The following NCAM1 variants were observed in gnomAD, a reference collection of about 807,000 sequenced individuals.
NCAM1 encodes antigen recognized by monoclonal antibody 5.1H11.
Under a neutral mutation model 109.8 loss-of-function variants are expected in NCAM1, and 14 were observed. The ratio of observed to expected loss-of-function variants is 0.13; its 90% CI spans 0.08 to 0.20. The LOEUF is 0.20. Among genes scored for constraint, NCAM1 ranks in the 10% least tolerant of loss-of-function variants. NCAM1 has a pLI of 1.00. For missense variants in NCAM1, 774 were observed against 1,109.9 expected (o/e 0.70, Z 4.30); for synonymous variants, 418 against 442.9 (o/e 0.94, Z 0.70).
intron 18 of NCAM1, among the ~76,000 whole-genome samples, chr11:113,271,388 A>G (rs1053717052): frequency 1.1e-3 from 169 of 151,570 alleles, no homozygotes; most frequent in Non-Finnish European, 1.9e-3. Flanking sequence ...AAAAAAAAAA[A>G]AAAAAAAAGA....
At chr11:113,267,061 T>TAAA (rs1946145764) in intron 17 of NCAM1, among the ~76,000 whole-genome samples, 2 of 152,358 alleles carry the variant, frequency 1.3e-5, no homozygotes, top group South Asian at 4.1e-4. Flanking sequence ...GGATTCGCCC[T>TAAA]GTTTATTAGT....
At chr11:113,264,214 T>C in intron 17 of NCAM1, 1 of 985,234 alleles carries the variant, frequency 1.0e-6, no homozygotes, top group Non-Finnish European at 1.2e-6. Context: ...AGCTTGATTT[T>C]TGTTCTTTTT....
rs1457294192 is a variant in NCAM1 at position 113,137,958 on chromosome 11, T to C, written c.53-64421T>C. The stretch of plus-strand genomic sequence containing the variant: ...TGCAAATTAGATGTCCGTAGCATAC[T>C]TGGGAGCCAAACAAAAAATGCAGAC... On this transcript the variant is annotated intron_variant, in intron 1 of 19. Transcript: ENST00000316851. 3.3e-5 allele frequency among the ~76,000 whole-genome samples: 5 copies of C among 152,122 alleles called. No individual in the cohort carries two copies. The East Asian group carries it at 5.8e-4, about 18-fold the overall frequency.
At chr11:112,993,408 A>G (rs1000544960) in intron 1 of NCAM1, among the ~76,000 whole-genome samples, 18 of 152,324 alleles carry the variant, frequency 1.2e-4, no homozygotes, top group African/African-American at 4.3e-4. Context: ...GATCTGCTCC[A>G]TGATCCAAGC....
At chr11:113,184,645 T>C (rs1943439124) in intron 1 of NCAM1, among the ~76,000 whole-genome samples, 1 of 152,198 alleles carries the variant, frequency 6.6e-6, no homozygotes, top group Non-Finnish European at 1.5e-5. Flanking sequence ...CTTCTCACAC[T>C]ATATCCTCCT....
At chr11:113,236,985 A>G (rs1478460059) in intron 14 of NCAM1, among the ~76,000 whole-genome samples, 5 of 152,174 alleles carry the variant, frequency 3.3e-5, no homozygotes, top group Non-Finnish European at 7.4e-5. Context: ...TCTGTTCTTT[A>G]GCATGTAGTT....
chr11:113,129,600 G>A (rs1555097931), intron 1 of NCAM1, among the ~76,000 whole-genome samples: 7 of 152,130 alleles, frequency 4.6e-5, no homozygotes. Context: ...TTCATCCACT[G>A]ATTAAATATG....
In NCAM1 at chr11:113,254,273, G is replaced by C. The variant is rs375584445; in HGVS notation, c.1829-1604G>C. ...TTTAAAACAGGACAGGTCTTTGCCT[G>C]AAGTCCATTCATCTTTTTATTCCTG... On this transcript the variant is annotated intron_variant, in intron 15 of 19. Transcript: ENST00000316851. Among the ~76,000 whole-genome samples the C allele has an allele frequency of 3.9e-5, 6 of 152,312 alleles. No homozygotes were observed. The East Asian group carries it at 1.2e-3, about 29-fold the overall frequency.
chr11:113,028,805 A>G (rs1952633813), intron 1 of NCAM1, among the ~76,000 whole-genome samples: 1 of 152,210 alleles, frequency 6.6e-6, no homozygotes, highest in Non-Finnish European at 1.5e-5. Flanking sequence ...AGTTGCTCAG[A>G]GAGTATTTAC....
At chr11:113,109,840 G>C (rs1940363529) in intron 1 of NCAM1, among the ~76,000 whole-genome samples, 1 of 152,160 alleles carries the variant, frequency 6.6e-6, no homozygotes, top group South Asian at 2.1e-4. Flanking sequence ...ATCTCATGCT[G>C]TTCCGGAGGC....
At position 113,214,230 on chromosome 11, in the gene NCAM1, G is replaced by T. The variant is rs2137017863; in HGVS notation, c.917-139G>T. ...ATCATTGTAAGCCTTGGAGAGTCAG[G>T]TCTGCATCTCCTAAAACACCTAGAC... On this transcript the variant is annotated intron_variant, in intron 7 of 19. Transcript: ENST00000316851. The T allele has an allele frequency of 7.7e-6, 6 of 781,466 alleles. No individual in the cohort carries two copies. The South Asian group carries it at 9.2e-5, about 12-fold the overall frequency. The allele number at this position is 781,466 out of a possible 1,614,324, so 48.4% of individuals were successfully genotyped here. A position where few individuals can be genotyped will look rare whatever the true frequency, so the allele number is the denominator to read the frequency against.
At chr11:113,264,013 G>C (rs1268957135) in intron 17 of NCAM1, 10 of 985,320 alleles carry the variant, frequency 1.0e-5, no homozygotes, top group Non-Finnish European at 1.2e-5. Flanking sequence ...CCTGCTGCTT[G>C]GGAGTTCACC....
chr11:113,011,052 G>C (rs1481125515), intron 1 of NCAM1, among the ~76,000 whole-genome samples: 5 of 149,920 alleles, frequency 3.3e-5, no homozygotes, highest in Non-Finnish European at 7.4e-5. Context: ...ATGCTGGTGC[G>C]CTGCACCCAC....
At chr11:113,183,346 G>T (rs564362753) in intron 1 of NCAM1, among the ~76,000 whole-genome samples, 1 of 152,222 alleles carries the variant, frequency 6.6e-6, no homozygotes, top group African/African-American at 2.4e-5. Context: ...TGTCTGTCCC[G>T]CTCCTCCAGA....
At chr11:113,235,448 G>A in intron 14 of NCAM1, 2 of 678,270 alleles carry the variant, frequency 2.9e-6, no homozygotes, top group South Asian at 2.8e-5. Context: ...ATTATTAAAG[G>A]AAGTGGGGAG....
chr11:113,095,471 G>A (rs1399555526), intron 1 of NCAM1, among the ~76,000 whole-genome samples: 2 of 152,186 alleles, frequency 1.3e-5, no homozygotes, highest in Non-Finnish European at 2.9e-5. Context: ...CTTGGATGTG[G>A]TTCTTTTAAC....
intron 15 of NCAM1, among the ~76,000 whole-genome samples, chr11:113,254,987 G>T (rs1945797400): frequency 6.6e-6 from 1 of 152,328 alleles, no homozygotes; most frequent in Non-Finnish European, 1.5e-5. Context: ...CCTAGCCCTA[G>T]CAGTTTGTCA....
chr11:113,126,939 G>C (rs1472742905), intron 1 of NCAM1, among the ~76,000 whole-genome samples: 1 of 152,204 alleles, frequency 6.6e-6, no homozygotes, highest in Non-Finnish European at 1.5e-5. Flanking sequence ...CTTGGTGCAA[G>C]GGACATGTCC....
At chr11:113,263,348 A>T in intron 17 of NCAM1, 2 of 998,352 alleles carry the variant, frequency 2.0e-6, no homozygotes, top group Non-Finnish European at 2.4e-6. Context: ...CATTCCCCTC[A>T]TTCTAACTCT....
Sources: allele counts gnomAD v4.1 joint callset (sites outside exome capture counted in the v4.1 genomes callset), GRCh38; gene constraint gnomAD v4.1.1; transcripts MANE v1.5; gene names NCBI Gene and HGNC (gene_info 2026-07-23, HGNC 2026-07-21).